BACH2: variants seen among roughly 807,000 people sequenced by gnomAD.
BACH2 encodes BACH transcriptional regulator 2, also known as transcription regulator protein BACH2.
BACH2 carries 5 observed loss-of-function variants against 61.8 expected under a neutral mutation model. The observed-to-expected ratio is 0.08, with a 90% CI of 0.04 to 0.17. The LOEUF (loss-of-function observed/expected upper bound fraction) is 0.17. BACH2 is among the 10% of genes least tolerant of loss of function. The pLI is 1.00. For synonymous variants in BACH2, 446 were observed against 440.1 expected (o/e 1.01, Z -0.17); for missense variants, 824 against 1,091.1 (o/e 0.76, Z 3.45).
chr6:90,229,118 C>T (rs1190973463), intron 3 of BACH2, among the ~76,000 whole-genome samples: 2 of 152,204 alleles, frequency 1.3e-5, no homozygotes, highest in African/African-American at 4.8e-5. Context: ...ACATCAGAAT[C>T]ACCTGGAGAG....
At chr6:90,293,940 A>T (rs1772258087) in intron 1 of BACH2, among the ~76,000 whole-genome samples, 1 of 152,242 alleles carries the variant, frequency 6.6e-6, no homozygotes, top group Non-Finnish European at 1.5e-5. Context: ...TACTAAGTCA[A>T]AGGGCATAAT....
intron 2 of BACH2, among the ~76,000 whole-genome samples, chr6:90,268,753 T>C (rs1771426055): frequency 6.6e-6 from 1 of 152,168 alleles, no homozygotes. Flanking sequence ...TGAGAGTCAA[T>C]GTTCATAATG....
At chr6:90,244,196 A>G (rs185489635) in intron 3 of BACH2, among the ~76,000 whole-genome samples, 1 of 152,348 alleles carries the variant, frequency 6.6e-6, no homozygotes, top group Admixed American at 6.5e-5. Context: ...TGCTGGGATT[A>G]CAGGCATGAG....
chr6:90,208,626 A>G (rs935565186), intron 3 of BACH2, among the ~76,000 whole-genome samples: 1 of 152,240 alleles, frequency 6.6e-6, no homozygotes, highest in African/African-American at 2.4e-5. Context: ...TAGTTCAACC[A>G]TTGTGGAAGA....
At chr6:90,103,741 T>C (rs537278302) in intron 4 of BACH2, among the ~76,000 whole-genome samples, 2 of 152,216 alleles carry the variant, frequency 1.3e-5, no homozygotes, top group South Asian at 2.1e-4. Context: ...GAACATCTGT[T>C]AGAAACAGAT....
At chr6:90,214,196 T>A (rs1769451504) in intron 3 of BACH2, among the ~76,000 whole-genome samples, 1 of 152,226 alleles carries the variant, frequency 6.6e-6, no homozygotes, top group Non-Finnish European at 1.5e-5. Flanking sequence ...TCCAGGCAAC[T>A]CTTGATCCAT....
chr6:90,168,451 C>T (rs996267528), intron 4 of BACH2, among the ~76,000 whole-genome samples: 9 of 152,188 alleles, frequency 5.9e-5, no homozygotes, highest in Non-Finnish European at 1.2e-4. Flanking sequence ...TAATGATCCA[C>T]ATATTATTGA....
chr6:89,992,684 AAG>A (rs888957709), intron 6 of BACH2, among the ~76,000 whole-genome samples: 4 of 152,154 alleles, frequency 2.6e-5, no homozygotes, highest in African/African-American at 4.8e-5. Context: ...AAAAAAAACA[AAG>A]AAATTACTCC....
Position 90,038,863 on chromosome 6 carries a change from CCT to C in BACH2, c.-12-30009_-12-30008del, listed in dbSNP as rs200657254. Among the ~76,000 whole-genome samples the C allele has an allele frequency of 5.1e-3, 780 of 151,648 alleles. 44 individuals are homozygous for C. In the East Asian group the frequency reaches 0.14, roughly 27 times the overall value. ...ACCAGCCTGGCCGACATGGTGAAAC[CCT>C]GTCTCTCTACTAAAAATACAAAAAA... On this transcript the variant is annotated intron_variant, in intron 5 of 8. Transcript: ENST00000257749.
chr6:90,143,892 C>T (rs1280782471), intron 4 of BACH2, among the ~76,000 whole-genome samples: 3 of 152,132 alleles, frequency 2.0e-5, no homozygotes, highest in Non-Finnish European at 4.4e-5. Flanking sequence ...ATCATGAACT[C>T]TTCAGCATCC....
chr6:90,295,878 A>G (rs1772347209), intron 1 of BACH2, among the ~76,000 whole-genome samples: 1 of 151,962 alleles, frequency 6.6e-6, no homozygotes, highest in East Asian at 2.0e-4. Flanking sequence ...TTGGGCTTTG[A>G]TTCCCCGCCG....
intron 4 of BACH2, among the ~76,000 whole-genome samples, chr6:90,102,635 AAAC>A (rs1446097601): frequency 6.6e-6 from 1 of 151,774 alleles, no homozygotes; most frequent in African/African-American, 2.4e-5. Context: ...CTAAAAATAC[AAAC>A]AATTAGCTGG....
intron 3 of BACH2, among the ~76,000 whole-genome samples, chr6:90,230,229 A>G (rs887286501): frequency 6.6e-6 from 1 of 152,214 alleles, no homozygotes; most frequent in African/African-American, 2.4e-5. Flanking sequence ...AAAAACGGAG[A>G]TAACTGATAA....
intron 4 of BACH2, among the ~76,000 whole-genome samples, chr6:90,119,081 T>C (rs1783519383): frequency 6.6e-6 from 1 of 152,224 alleles, no homozygotes; most frequent in Non-Finnish European, 1.5e-5. Flanking sequence ...CACCTTCCTT[T>C]GCACAAACAT....
rs867892902 is a variant in BACH2 at position 89,950,576 on chromosome 6, T to C, written c.1530A>G (p.Ser510=). 3.1e-6 allele frequency: 5 copies of C among 1,610,300 alleles called. No homozygotes were observed. The African/African-American group carries it at 4.0e-5, about 13-fold the overall frequency. The stretch of plus-strand genomic sequence containing the variant: ...TCCTGGTCCTGGTCTCCAAGGGGGG[T>C]GAGCGAGGGCAGACTTTGATTGGTA... ...CPVPIKVCPR[S]PPLETRTRTS... The change falls in exon 7 of 9, where the codon TCA becomes TCG. Residue 510 remains serine (S), a synonymous_variant. Transcript: ENST00000257749. The surrounding 1 kb of genome is among the most constrained non-coding windows in gnomAD (Gnocchi z 5.3).
At chr6:90,183,324 T>C (rs536043311) in intron 4 of BACH2, among the ~76,000 whole-genome samples, 3 of 152,368 alleles carry the variant, frequency 2.0e-5, no homozygotes, top group East Asian at 1.9e-4. Context: ...TTGCAGTAGA[T>C]AGTAACCGAG....
chr6:90,090,038 A>T (rs1782097351), intron 4 of BACH2, among the ~76,000 whole-genome samples: 1 of 152,198 alleles, frequency 6.6e-6, no homozygotes, highest in Non-Finnish European at 1.5e-5. Context: ...ATTAGAGATA[A>T]GGGATTGTGG....
At chr6:89,940,008 ATTTCT>A (rs1045208184) in intron 7 of BACH2, among the ~76,000 whole-genome samples, 2 of 150,436 alleles carry the variant, frequency 1.3e-5, no homozygotes, top group Admixed American at 6.6e-5. Flanking sequence ...GGCCTGAAAT[ATTTCT>A]TTTCTTTTTT....
intron 5 of BACH2, among the ~76,000 whole-genome samples, chr6:90,076,467 C>T (rs1781475730): frequency 1.3e-5 from 2 of 152,174 alleles, no homozygotes; most frequent in South Asian, 4.1e-4. Context: ...TTCACATGTA[C>T]ACATTTGTAA....
Sources: allele counts gnomAD v4.1 joint callset (sites outside exome capture counted in the v4.1 genomes callset), GRCh38; gene constraint gnomAD v4.1.1; non-coding constraint Gnocchi (gnomAD v3.1); transcripts MANE v1.5; gene names NCBI Gene and HGNC (gene_info 2026-07-23, HGNC 2026-07-21).